Variants in PKNOX2 observed in about 807,000 individuals in gnomAD.
PKNOX2 encodes the protein PBX/knotted 1 homeobox 2.
In PKNOX2, 14 loss-of-function variants were observed where a neutral mutation model predicts 53.1. The observed-to-expected ratio is 0.26, with a 90% CI of 0.17 to 0.41. The LOEUF (loss-of-function observed/expected upper bound fraction) is 0.41. PKNOX2 is among the 10% of genes least tolerant of loss of function. PKNOX2 has a pLI of 1.00. For synonymous variants in PKNOX2, 257 were observed against 242.8 expected, an observed-to-expected ratio of 1.06 and a Z score of -0.54; for missense variants, 496 against 602.8, an observed-to-expected ratio of 0.82 and a Z score of 1.85.
At chr11:125,210,953 T>G (rs1333828037) in intron 1 of PKNOX2, among the ~76,000 whole-genome samples, 5 of 152,176 alleles carry the variant, frequency 3.3e-5, no homozygotes. Context: ...TTTCTGGGCC[T>G]CAGTGTCCTT....
At chr11:125,250,082 A>C (rs866114623) in intron 2 of PKNOX2, among the ~76,000 whole-genome samples, 3 of 151,212 alleles carry the variant, frequency 2.0e-5, no homozygotes, top group South Asian at 4.2e-4. Flanking sequence ...AAAAAAAAAA[A>C]AAAAAAAAAC....
intron 2 of PKNOX2, among the ~76,000 whole-genome samples, chr11:125,254,132 A>AG (rs1477034385): frequency 6.6e-6 from 1 of 152,214 alleles, no homozygotes. Flanking sequence ...ACTGAAGGGA[A>AG]GAGGTGTACA....
At chr11:125,236,320 C>A (rs1347830574) in intron 2 of PKNOX2, among the ~76,000 whole-genome samples, 1 of 132,742 alleles carries the variant, frequency 7.5e-6, no homozygotes, top group Non-Finnish European at 1.5e-5. Flanking sequence ...GATCTCCAGG[C>A]TGGGGTGTTG....
At chr11:125,406,179 G>A (rs3740897) in intron 7 of PKNOX2, among the ~76,000 whole-genome samples, 59,141 of 152,050 alleles carry the variant, frequency 0.39, 11,890 homozygotes, top group Non-Finnish European at 0.46. Flanking sequence ...TAGCCAACAT[G>A]TGCTCCCCAC....
intron 3 of PKNOX2, among the ~76,000 whole-genome samples, chr11:125,333,302 G>A (rs1381913058): frequency 6.6e-6 from 1 of 152,186 alleles, no homozygotes; most frequent in Admixed American, 6.5e-5. Context: ...CTCCTGTAGA[G>A]TCCTATTTCT....
intron 2 of PKNOX2, among the ~76,000 whole-genome samples, chr11:125,321,050 T>C (rs1290484926): frequency 1.3e-5 from 2 of 152,188 alleles, no homozygotes; most frequent in African/African-American, 4.8e-5. Flanking sequence ...TCAGGAGGCA[T>C]CACAGAATAA....
At chr11:125,346,215 T>C (rs983940883) in intron 3 of PKNOX2, among the ~76,000 whole-genome samples, 2 of 151,746 alleles carry the variant, frequency 1.3e-5, no homozygotes, top group Non-Finnish European at 2.9e-5. Context: ...CCTGGGGGCG[T>C]CTGGGCTGAA....
intron 11 of PKNOX2, among the ~76,000 whole-genome samples, chr11:125,429,328 G>C (rs1956583006): frequency 6.6e-6 from 1 of 152,168 alleles, no homozygotes; most frequent in South Asian, 2.1e-4. Flanking sequence ...CACATCCCTG[G>C]AAGCTTCTTG....
intron 3 of PKNOX2, among the ~76,000 whole-genome samples, chr11:125,333,515 C>T (rs1051881784): frequency 6.6e-6 from 1 of 151,198 alleles, no homozygotes; most frequent in Non-Finnish European, 1.5e-5. Context: ...CACCCCTGAC[C>T]TTTGCCCTCT....
Position 125,166,392 on chromosome 11 carries a change from G to GA in PKNOX2, c.-201+1617dup, listed in dbSNP as rs1211919575. On this transcript the variant is annotated intron_variant, in intron 1 of 12. Transcript: ENST00000298282. This position sits in a 1 kb window ranked among gnomAD's most constrained non-coding sequence, Gnocchi z 4.0. The stretch of plus-strand genomic sequence containing the variant: ...CCCTGAAAGTGTTTCTTTAGGAGGA[G>GA]AGGACTTGGGCCACACAGGACCCGG... 6.6e-6 allele frequency among the ~76,000 whole-genome samples: 1 copy of GA among 152,216 alleles called. No homozygotes were observed. The highest frequency in any genetic ancestry group is 2.4e-5 in the African/African-American group (1 of 41,456).
intron 6 of PKNOX2, among the ~76,000 whole-genome samples, chr11:125,388,219 C>T (rs1443423943): frequency 6.6e-6 from 1 of 152,026 alleles, no homozygotes; most frequent in Non-Finnish European, 1.5e-5. Context: ...ATCATTAGAA[C>T]AAGAATCATG....
In PKNOX2 at chr11:125,183,378, G is replaced by A. The variant is rs1477369965; in HGVS notation, c.-201+18602G>A. On this transcript the variant is annotated intron_variant, in intron 1 of 12. Transcript: ENST00000298282. ...ACTACAGGCGCCCGCCACCGCGCCCGGCTAATTTTTTGTATTTTTAGTAGA... is the reference window on the plus strand; with the variant it reads ...ACTACAGGCGCCCGCCACCGCGCCCAGCTAATTTTTTGTATTTTTAGTAGA... Among the ~76,000 whole-genome samples, 4 of 69,366 alleles carry A rather than the reference G, an allele frequency of 5.8e-5. 1 individual carries two copies. Among genetic ancestry groups the A allele is most frequent in the East Asian group, 9.8e-4 (2 of 2,034 alleles). 45.5% of individuals were successfully genotyped at this position (69,366 alleles called of 152,430 possible).
intron 3 of PKNOX2, among the ~76,000 whole-genome samples, chr11:125,343,192 G>A (rs1591535335): frequency 2.6e-5 from 4 of 152,282 alleles, no homozygotes; most frequent in South Asian, 2.1e-4. Context: ...GGCAAAAGCG[G>A]GACCCAGGTG....
chr11:125,239,432 C>T (rs1347326449), intron 2 of PKNOX2, among the ~76,000 whole-genome samples: 1 of 152,102 alleles, frequency 6.6e-6, no homozygotes, highest in Non-Finnish European at 1.5e-5. Flanking sequence ...CCCAGCCTGG[C>T]CTGAGTAGGG....
intron 2 of PKNOX2, among the ~76,000 whole-genome samples, chr11:125,289,908 C>T (rs1471210315): frequency 5.3e-5 from 8 of 152,160 alleles, no homozygotes; most frequent in Non-Finnish European, 1.0e-4. Context: ...TTAATCAGCC[C>T]GCAGCAGCAG....
intron 1 of PKNOX2, among the ~76,000 whole-genome samples, chr11:125,199,443 A>G (rs185748867): frequency 3.8e-4 from 58 of 152,318 alleles, no homozygotes; most frequent in Non-Finnish European, 6.8e-4. Flanking sequence ...TATATTATCC[A>G]TCTGAGAAAA....
chr11:125,306,494 C>G (rs1004998608), intron 2 of PKNOX2, among the ~76,000 whole-genome samples: 1 of 152,138 alleles, frequency 6.6e-6, no homozygotes, highest in African/African-American at 2.4e-5. Context: ...AAGGCTGGTA[C>G]TACCAGAGAA....
intron 7 of PKNOX2, among the ~76,000 whole-genome samples, chr11:125,405,151 A>G (rs1955005727): frequency 6.6e-6 from 1 of 152,226 alleles, no homozygotes. Context: ...CACAATCCTT[A>G]GGAAATGGCA....
chr11:125,411,884 G>A lies in PKNOX2; in HGVS notation c.936+19G>A. 6.2e-7 allele frequency: 1 copy of A among 1,613,808 alleles called. No individual in the cohort carries two copies. Among genetic ancestry groups the A allele is most frequent in the Non-Finnish European group, 8.5e-7 (1 of 1,179,812 alleles). On this transcript the variant is annotated intron_variant, in intron 10 of 12. Transcript: ENST00000298282. ...TCTCATGGTGAGTGTGTGTGTCTTG[G>A]GGGTGTGGAGTCCCGGCATGGGGTA...
Sources: gnomAD v4.1 joint callset for allele counts (sites outside exome capture counted in the v4.1 genomes callset) on GRCh38, gnomAD v4.1.1 for gene constraint, Gnocchi (gnomAD v3.1) non-coding constraint, MANE v1.5 for transcripts, NCBI Gene and HGNC (gene_info 2026-07-23, HGNC 2026-07-21) for gene names.